SUGP2: variants seen among roughly 807,000 people sequenced by gnomAD.
SUGP2 encodes the protein SURP and G-patch domain containing 2, also known as SURP and G-patch domain-containing protein 2.
SUGP2 carries 24 observed loss-of-function variants against 90.5 expected under a neutral mutation model. The ratio of observed to expected loss-of-function variants is 0.27; its 90% CI spans 0.19 to 0.37. The LOEUF (loss-of-function observed/expected upper bound fraction) is 0.37. Among genes scored for constraint, SUGP2 ranks in the 10% least tolerant of loss-of-function variants. The pLI is 1.00. For missense variants in SUGP2, 1,233 were observed against 1,363.3 expected (o/e 0.90, Z 1.51); for synonymous variants, 473 against 513.4 (o/e 0.92, Z 1.06).
chr19:19,031,192 G>T, intron 1 of SUGP2, 110 bp from the exon 2 acceptor site: 3 of 1,172,800 alleles, frequency 2.6e-6, no homozygotes, highest in South Asian at 3.0e-5. Flanking sequence ...CGGATCACCT[G>T]AGCTCAGGAG....
chr19:19,033,409 A>G, intron 1 of SUGP2, 28 bp downstream of exon 1: 1 of 1,295,938 alleles, frequency 7.7e-7, no homozygotes. Context: ...GGAGCCACCC[A>G]CCGACGACGC....
intron 1 of SUGP2, among the ~76,000 whole-genome samples, chr19:19,032,771 G>T (rs983347585): frequency 1.3e-5 from 2 of 152,144 alleles, no homozygotes. Context: ...CCCGAAGAAT[G>T]AGTAAAAAGA....
chr19:19,006,493 G>T (rs906075874), intron 6 of SUGP2, among the ~76,000 whole-genome samples: 1 of 152,182 alleles, frequency 6.6e-6, no homozygotes, highest in East Asian at 1.9e-4. Flanking sequence ...TGTCACAGAT[G>T]GGGAGGAATC....
In SUGP2 at chr19:18,995,975, A is replaced by C. The variant is rs567331792; in HGVS notation, c.2992-695T>G. Among the ~76,000 whole-genome samples, 3 of 151,768 alleles carry C rather than the reference A, an allele frequency of 2.0e-5. No homozygotes were observed. In the South Asian group the frequency reaches 6.3e-4, roughly 32 times the overall value. ...AGGGCCCTGGGGCCTCTGGAGGAGG[A>C]GCCTGCAGGGCTGTAGCAGAAGGAA... is the stretch of plus-strand genomic sequence containing the variant. On this transcript the variant is annotated intron_variant, in intron 8 of 10. Transcript: ENST00000452918.
At chr19:19,030,805 A>T (rs904133744) in intron 2 of SUGP2, 146 bp downstream of exon 2, 29 of 1,030,818 alleles carry the variant, frequency 2.8e-5, no homozygotes, top group Non-Finnish European at 3.8e-5. Flanking sequence ...ACCAAACCAA[A>T]ATAAAAACCT....
At chr19:19,009,810 G>A (rs2058234089) in intron 5 of SUGP2, 45 bp downstream of exon 5, 1 of 1,549,292 alleles carries the variant, frequency 6.5e-7, no homozygotes, top group Non-Finnish European at 8.7e-7. Flanking sequence ...AGATGGGAGA[G>A]TAGGGACTGG....
At chr19:19,002,376 A>T (rs1393711085) in intron 7 of SUGP2, among the ~76,000 whole-genome samples, 1 of 151,252 alleles carries the variant, frequency 6.6e-6, no homozygotes, top group African/African-American at 2.4e-5. Context: ...ACAAGAGTCC[A>T]TCTCAAAAAA....
chr19:19,026,581 T>C (rs951566250), intron 2 of SUGP2, among the ~76,000 whole-genome samples: 10 of 152,240 alleles, frequency 6.6e-5, no homozygotes, highest in Non-Finnish European at 1.2e-4. Flanking sequence ...TCTAGCCATC[T>C]GGGTTGACAA....
In SUGP2 at chr19:19,020,040, G is replaced by A. The variant is rs1323455732; in HGVS notation, c.1730-811C>T. 5.2e-5 allele frequency among the ~76,000 whole-genome samples: 7 copies of A among 135,416 alleles called. No individual in the cohort carries two copies. The South Asian group carries it at 7.1e-4, about 14-fold the overall frequency. The allele number at this position is 135,416 out of a possible 152,430, so 88.8% of individuals were successfully genotyped here. A position where few individuals can be genotyped will look rare whatever the true frequency, so the allele number is the denominator to read the frequency against. On this transcript the variant is annotated intron_variant, in intron 3 of 10. Coordinates refer to ENST00000452918, the MANE Select transcript of SUGP2 (RefSeq NM_001017392.5). ...TTAGCCAGGCATGGTGGGATAGAGC[G>A]AGACTCCATCACAAAAAAAAATAAA...
intron 8 of SUGP2, among the ~76,000 whole-genome samples, chr19:18,998,466 T>C (rs2057697538): frequency 6.6e-6 from 1 of 152,204 alleles, no homozygotes; most frequent in Admixed American, 6.5e-5. Flanking sequence ...ATCCTGTTAA[T>C]CTTCTTATTG....
chr19:19,024,733 C>G lies in SUGP2; in HGVS notation c.1615G>C (p.Gly539Arg), dbSNP rs201362634. The G allele has an allele frequency of 6.2e-7, 1 of 1,614,170 alleles. No homozygotes were observed. The highest frequency in any genetic ancestry group is 1.3e-5 in the African/African-American group (1 of 75,044). The change falls in exon 3 of 11, where the codon GGA (glycine) becomes CGA (arginine). Residue 539 changes from glycine (G) to arginine (R), a missense_variant. By Grantham distance (125) the Gly-to-Arg change is moderately radical. Transcript: ENST00000452918. ...DHLKAWLVSSGCPLQVKKAEP... is the reference protein window; with the variant it reads ...DHLKAWLVSSRCPLQVKKAEP... ...GCTTTCTTAACCTGGAGGGGACATCCGCTGCTGACTAGCCAGGCCTTCAGG... is the reference window on the plus strand; with the variant it reads ...GCTTTCTTAACCTGGAGGGGACATCGGCTGCTGACTAGCCAGGCCTTCAGG...
At chr19:19,007,755 C>CT (rs34670209) in intron 6 of SUGP2, among the ~76,000 whole-genome samples, 6,052 of 113,382 alleles carry the variant, frequency 0.053, 1,029 homozygotes, top group African/African-American at 0.084. Flanking sequence ...TGCACCTAGC[C>CT]TTTTTTTTTT....
chr19:19,026,104 T>G lies in SUGP2; in HGVS notation c.244A>C (p.Ser82Arg), dbSNP rs373340429. ...SRDAGREGLRSDVFPGPSFRS... is the reference protein window; with the variant it reads ...SRDAGREGLRRDVFPGPSFRS... ...AAGGAAGGCCCTGGAAATACGTCACTTCTCAGGCCTTCTCTTCCGGCATCT... is the reference window on the plus strand; with the variant it reads ...AAGGAAGGCCCTGGAAATACGTCACGTCTCAGGCCTTCTCTTCCGGCATCT... The change falls in exon 3 of 11, where the codon AGT becomes CGT. Residue 82 changes from serine to arginine, a missense_variant. By Grantham distance (110) the Ser-to-Arg change is moderately radical (BLOSUM62 -1). Around this residue, in one of 8 missense-constraint regions of SUGP2, gnomAD observed 418 missense variants for 399.9 expected, o/e 1.05. Transcript: ENST00000452918. 37 of 1,614,042 alleles carry G rather than the reference T, an allele frequency of 2.3e-5. No individual in the cohort carries two copies. The highest frequency in any genetic ancestry group is 3.1e-5 in the Non-Finnish European group (36 of 1,180,032).
intron 6 of SUGP2, among the ~76,000 whole-genome samples, chr19:19,005,215 G>A (rs1453395593): frequency 2.0e-5 from 3 of 152,040 alleles, no homozygotes; most frequent in East Asian, 1.9e-4. Context: ...TGGCCACCTC[G>A]ACTTGTAACC....
At chr19:18,999,514 C>T (rs1295602220) in intron 8 of SUGP2, among the ~76,000 whole-genome samples, 2 of 152,184 alleles carry the variant, frequency 1.3e-5, no homozygotes. Flanking sequence ...CTGCTGTGCC[C>T]TCATCTGGCC....
At chr19:19,001,867 C>T (rs955218158) in intron 7 of SUGP2, among the ~76,000 whole-genome samples, 193 bp from the exon 8 acceptor site, 4 of 152,240 alleles carry the variant, frequency 2.6e-5, no homozygotes, top group East Asian at 1.9e-4. Flanking sequence ...TGAGCAGAGA[C>T]GGGACACGCT....
At chr19:19,027,579 G>A (rs185810374) in intron 2 of SUGP2, among the ~76,000 whole-genome samples, 38 of 151,884 alleles carry the variant, frequency 2.5e-4, no homozygotes, top group Admixed American at 6.6e-4. Context: ...ACCTGAGGAG[G>A]CAATGACATT....
At chr19:19,030,911 C>T (rs2059126157) in intron 2 of SUGP2, 40 bp downstream of exon 2, 2 of 1,590,510 alleles carry the variant, frequency 1.3e-6, no homozygotes, top group African/African-American at 1.3e-5. Flanking sequence ...AGATACACCC[C>T]TACCAAAACA....
At position 19,024,404 on chromosome 19, in the gene SUGP2, C is replaced by T. The variant is rs572680333; in HGVS notation, c.1729+215G>A. Reference sequence around the variant, plus strand: ...GGATTACAGGCATGTGCCACCACACCCGGCTGTCTAAAGACTTCTATGGTA... The same window carrying T: ...GGATTACAGGCATGTGCCACCACACTCGGCTGTCTAAAGACTTCTATGGTA... On this transcript the variant is annotated intron_variant, in intron 3 of 10. Transcript: ENST00000452918. 2.6e-5 allele frequency among the ~76,000 whole-genome samples: 4 copies of T among 152,294 alleles called. No homozygotes were observed. The South Asian group carries it at 6.2e-4, about 24-fold the overall frequency.
Sources: allele counts gnomAD v4.1 joint callset (sites outside exome capture counted in the v4.1 genomes callset), GRCh38; gene constraint gnomAD v4.1.1; regional missense constraint gnomAD v4.1.1; transcripts MANE v1.5; gene names NCBI Gene and HGNC (gene_info 2026-07-23, HGNC 2026-07-21).